Variants in DMD observed in about 807,000 individuals in gnomAD.
The protein encoded by DMD is dystrophin, also known as mutant dystrophin.
In DMD, 63 loss-of-function variants were observed where a neutral mutation model predicts 330.1. The ratio of observed to expected loss-of-function variants is 0.19; its 90% CI spans 0.16 to 0.24. The LOEUF is 0.24. Among genes scored for constraint, DMD ranks in the 10% least tolerant of loss-of-function variants. The pLI is 1.00. For missense variants in DMD, 3,344 were observed against 2,684.1 expected, an observed-to-expected ratio of 1.25 and a Z score of -5.43; for synonymous variants, 1,223 against 959.8, an observed-to-expected ratio of 1.27 and a Z score of -5.07.
intron 18 of DMD, among the ~76,000 whole-genome samples, chrX:32,510,428 T>C (rs2045167860): frequency 8.9e-6 from 1 of 111,811 alleles, no homozygotes; most frequent in Admixed American, 9.5e-5. Context: ...TTTATTCTGC[T>C]CCTTGGAACT....
intron 7 of DMD, among the ~76,000 whole-genome samples, chrX:32,699,563 G>C (rs942688408): frequency 9.0e-6 from 1 of 111,371 alleles, no homozygotes; most frequent in Non-Finnish European, 1.9e-5. Flanking sequence ...AAGTCAAATT[G>C]CCAAACTAGC....
At chrX:31,653,394 T>G (rs1603440645) in intron 54 of DMD, among the ~76,000 whole-genome samples, 1 of 111,473 alleles carries the variant, frequency 9.0e-6, no homozygotes, top group East Asian at 2.8e-4. Context: ...TACACACATG[T>G]ACATGCTGAA....
intron 59 of DMD, among the ~76,000 whole-genome samples, chrX:31,449,785 T>TAG (rs1258171731): frequency 1.1e-5 from 1 of 92,773 alleles, no homozygotes; most frequent in African/African-American, 4.1e-5. Context: ...TATATATATA[T>TAG]ATATATATAT....
chrX:31,132,631 T>C (rs2034663961), intron 77 of DMD, among the ~76,000 whole-genome samples: 1 of 111,325 alleles, frequency 9.0e-6, no homozygotes, highest in Non-Finnish European at 1.9e-5. Flanking sequence ...TGGAGTTCTG[T>C]ATCTGCAATT....
rs1263179105 is a variant in DMD, at chrX:31,522,902, G to C, written c.8218-15449C>G. On this transcript the variant is annotated intron_variant, in intron 55 of 78. Coordinates refer to ENST00000357033, the MANE Select transcript of DMD (RefSeq NM_004006.3). The stretch of plus-strand genomic sequence containing the variant: ...GAAGGGCCCAGCAGGGAGTCAGACA[G>C]TCTATGTTGTCTTTCTTGCTCTCTC... Among the ~76,000 whole-genome samples, 4 of 111,570 alleles carry C rather than the reference G, an allele frequency of 3.6e-5. No individual in the cohort carries two copies. In the East Asian group the frequency reaches 1.1e-3, roughly 32 times the overall value.
rs777112203 is a variant in DMD, at chrX:31,900,217, C to G, written c.6913-24844G>C. Among the ~76,000 whole-genome samples the G allele has an allele frequency of 7.2e-5, 8 of 111,425 alleles. No individual in the cohort carries two copies. The East Asian group carries it at 2.3e-3, about 32-fold the overall frequency. ...TTTTCTCCATGTGTAATTTACTCCA[C>G]AGTCTTCTTTTATTTTGCATCACTG... On this transcript the variant is annotated intron_variant, in intron 47 of 78. Transcript: ENST00000357033.
chrX:31,372,015 T>A (rs1035841318), intron 60 of DMD, among the ~76,000 whole-genome samples: 6 of 111,949 alleles, frequency 5.4e-5, no homozygotes, highest in Non-Finnish European at 1.1e-4. Context: ...AGATAACGTA[T>A]GTCAAGTCCT....
chrX:31,284,528 CCTT>C (rs747774870), intron 62 of DMD, among the ~76,000 whole-genome samples: 1 of 95,516 alleles, frequency 1.0e-5, no homozygotes, highest in Non-Finnish European at 2.2e-5. Context: ...AACACAAACT[CCTT>C]CTTTAAGAAC....
intron 19 of DMD, among the ~76,000 whole-genome samples, chrX:32,497,757 G>T (rs968885304): frequency 9.0e-6 from 1 of 111,148 alleles, no homozygotes; most frequent in East Asian, 2.8e-4. Context: ...ATATGTTTAG[G>T]TATAATCATA....
At chrX:31,814,117 A>G (rs759049482) in intron 50 of DMD, among the ~76,000 whole-genome samples, 48 of 110,915 alleles carry the variant, frequency 4.3e-4, no homozygotes, top group Admixed American at 1.5e-3. Flanking sequence ...GTGCTTTCCT[A>G]ATTACACTTG....
At chrX:31,649,581 ATT>A (rs768282976) in intron 54 of DMD, among the ~76,000 whole-genome samples, 2 of 102,691 alleles carry the variant, frequency 1.9e-5, no homozygotes, top group African/African-American at 3.5e-5. Flanking sequence ...AATGCAGAGA[ATT>A]TTTTTTTTTT....
chrX:31,454,311 T>A (rs2065993544), intron 59 of DMD, among the ~76,000 whole-genome samples: 1 of 111,457 alleles, frequency 9.0e-6, no homozygotes, highest in Non-Finnish European at 1.9e-5. Context: ...CTGGCTAATT[T>A]TTCTATTTTT....
intron 24 of DMD, 131 bp downstream of exon 24, chrX:32,464,455 C>T (rs1014764678): frequency 2.5e-5 from 13 of 511,151 alleles, no homozygotes; most frequent in African/African-American, 4.8e-5. Context: ...CAATCAAAAA[C>T]GTCTAGAAAC....
intron 50 of DMD, among the ~76,000 whole-genome samples, chrX:31,792,676 T>A (rs2091630494): frequency 1.8e-5 from 2 of 111,787 alleles, no homozygotes; most frequent in Admixed American, 9.5e-5. Flanking sequence ...TGCTCTCAAC[T>A]CCTCACTGGA....
At chrX:32,226,164 C>T (rs775032288) in intron 43 of DMD, among the ~76,000 whole-genome samples, 42 of 111,853 alleles carry the variant, frequency 3.8e-4, no homozygotes, top group Admixed American at 1.8e-3. Flanking sequence ...TCCCTATTTT[C>T]GGTTTCTCAG....
At chrX:31,737,343 T>A (rs180782696) in intron 51 of DMD, among the ~76,000 whole-genome samples, 1 of 113,028 alleles carries the variant, frequency 8.8e-6, no homozygotes, top group African/African-American at 3.2e-5. Flanking sequence ...AAGGGGAAAT[T>A]AACTATTTCA....
intron 7 of DMD, among the ~76,000 whole-genome samples, chrX:32,715,469 CAAAAAAAAAAAAAAAA>C (rs61325834): frequency 5.8e-5 from 1 of 17,216 alleles, no homozygotes; most frequent in African/African-American, 1.7e-4. Flanking sequence ...GAGATTCCAT[CAAAAAAAAAAAAAAAA>C]AAAAAAAAAA....
At chrX:32,736,746 C>T (rs984294820) in intron 7 of DMD, among the ~76,000 whole-genome samples, 2 of 93,020 alleles carry the variant, frequency 2.2e-5, no homozygotes, top group East Asian at 3.3e-4. Context: ...AAGGGGAACA[C>T]CACACTCTGG....
intron 44 of DMD, among the ~76,000 whole-genome samples, chrX:32,033,585 ACAAG>A (rs1787690115): frequency 4.3e-5 from 4 of 93,272 alleles, no homozygotes; most frequent in South Asian, 5.1e-4. Flanking sequence ...ATTTAAAAAA[ACAAG>A]ACAGACAGAC....
Sources: allele counts gnomAD v4.1 joint callset (sites outside exome capture counted in the v4.1 genomes callset), GRCh38; gene constraint gnomAD v4.1.1; transcripts MANE v1.5; gene names NCBI Gene and HGNC (gene_info 2026-07-23, HGNC 2026-07-21).